The following METTL15 variants were observed in gnomAD, a reference collection of about 807,000 sequenced individuals.
The protein encoded by METTL15 is methyltransferase 15, mitochondrial 12S rRNA N4-cytidine.
In METTL15, 34 loss-of-function variants were observed where a neutral mutation model predicts 38.3. The observed-to-expected ratio is 0.89, with a 90% CI of 0.68 to 1.18. The LOEUF is 1.18. METTL15 is among the 50% of genes most tolerant of loss of function. METTL15 has a pLI of 0.00. For missense variants in METTL15, 438 were observed against 498.4 expected (o/e 0.88, Z 1.15); for synonymous variants, 162 against 170.9 (o/e 0.95, Z 0.41).
At chr11:28,251,979 A>G (rs909696261) in intron 4 of METTL15, among the ~76,000 whole-genome samples, 42 of 152,216 alleles carry the variant, frequency 2.8e-4, no homozygotes, top group African/African-American at 9.6e-4. Flanking sequence ...TCCATAATGT[A>G]TATGTTCAAC....
chr11:28,226,586 A>C (rs1450437995), intron 4 of METTL15, among the ~76,000 whole-genome samples: 1 of 151,858 alleles, frequency 6.6e-6, no homozygotes, highest in South Asian at 2.1e-4. Context: ...TTTTTGGCCA[A>C]ATTTACACAG....
chr11:28,257,498 G>C (rs1377740303), intron 4 of METTL15, among the ~76,000 whole-genome samples: 2 of 152,114 alleles, frequency 1.3e-5, no homozygotes, highest in Non-Finnish European at 2.9e-5. Context: ...TGTCTCTCTA[G>C]ACCTTCTCTT....
At chr11:28,128,399 TTGTA>T (rs900479721) in intron 3 of METTL15, among the ~76,000 whole-genome samples, 3 of 152,122 alleles carry the variant, frequency 2.0e-5, no homozygotes, top group African/African-American at 7.2e-5. Flanking sequence ...TGAAAATAGT[TTGTA>T]TGAGAAAGAC....
Position 28,358,631 on chromosome 11 carries a change from T to C in METTL15, c.*259-3306T>C, listed in dbSNP as rs571130584. ...CCCTTAATACCATTATGTAGTTTCA[T>C]TGTAGTACTTTTCAGTCTCTTATAA... On this transcript the variant is annotated intron_variant and NMD_transcript_variant, in intron 4 of 7. Coordinates refer to the METTL15 transcript ENST00000532947. 3.3e-5 allele frequency among the ~76,000 whole-genome samples: 5 copies of C among 152,272 alleles called. No homozygotes were observed. In the South Asian group the frequency reaches 6.2e-4, roughly 19 times the overall value.
chr11:28,419,685 A>G (rs569561564), intron 5 of METTL15, among the ~76,000 whole-genome samples: 3 of 152,338 alleles, frequency 2.0e-5, no homozygotes, highest in Admixed American at 2.0e-4. Context: ...GTGAGAGGCC[A>G]ATCCTGGACA....
At chr11:28,246,682 G>C (rs1273730206) in intron 4 of METTL15, among the ~76,000 whole-genome samples, 1 of 152,014 alleles carries the variant, frequency 6.6e-6, no homozygotes, top group South Asian at 2.1e-4. Context: ...AACTGTCCTG[G>C]GGCTTTTATG....
intron 5 of METTL15, among the ~76,000 whole-genome samples, chr11:28,369,432 T>C (rs1850221452): frequency 6.6e-6 from 1 of 151,864 alleles, no homozygotes; most frequent in African/African-American, 2.4e-5. Flanking sequence ...TATATATACA[T>C]CCAAATTCAA....
chr11:28,503,239 T>C (rs114756156), intron 6 of METTL15, among the ~76,000 whole-genome samples: 214 of 152,374 alleles, frequency 1.4e-3, no homozygotes, highest in African/African-American at 5.1e-3. Context: ...AGTAGTCATA[T>C]GTCTAAGCCT....
chr11:28,200,538 G>T (rs1852072732), intron 3 of METTL15, among the ~76,000 whole-genome samples: 1 of 152,178 alleles, frequency 6.6e-6, no homozygotes, highest in Non-Finnish European at 1.5e-5. Context: ...CTTTACGCTA[G>T]TGGAAGCCTT....
chr11:28,456,558 C>T (rs1475401309), intron 6 of METTL15, among the ~76,000 whole-genome samples: 1 of 150,870 alleles, frequency 6.6e-6, no homozygotes, highest in Non-Finnish European at 1.5e-5. Context: ...TTTCCTGCCT[C>T]AGTCCCCGAG....
At chr11:28,251,678 C>A (rs894868881) in intron 4 of METTL15, among the ~76,000 whole-genome samples, 1 of 151,990 alleles carries the variant, frequency 6.6e-6, no homozygotes. Context: ...CCATAACTCT[C>A]TGAATTTTTC....
At chr11:28,143,098 AT>A (rs943070458) in intron 3 of METTL15, among the ~76,000 whole-genome samples, 4 of 149,142 alleles carry the variant, frequency 2.7e-5, no homozygotes, top group South Asian at 4.2e-4. Flanking sequence ...CAAGGACCCT[AT>A]TTTTTTTTTC....
intron 6 of METTL15, among the ~76,000 whole-genome samples, chr11:28,305,961 C>T (rs1221105785): frequency 2.6e-5 from 4 of 152,010 alleles, no homozygotes; most frequent in Non-Finnish European, 4.4e-5. Context: ...GGTGGGATTT[C>T]AGGGGGCTGA....
chr11:28,216,926 G>A (rs1006032842), intron 4 of METTL15, among the ~76,000 whole-genome samples: 50 of 151,938 alleles, frequency 3.3e-4, no homozygotes, highest in African/African-American at 1.2e-3. Context: ...ATTCCATGGT[G>A]TATATGTGCC....
At chr11:28,182,354 G>A (rs1412319127) in intron 3 of METTL15, among the ~76,000 whole-genome samples, 2 of 152,018 alleles carry the variant, frequency 1.3e-5, no homozygotes, top group Admixed American at 6.6e-5. Context: ...GAATGGTATT[G>A]CCCAGGTTTT....
At chr11:28,141,134 T>C (rs1173871589) in intron 3 of METTL15, among the ~76,000 whole-genome samples, 2 of 152,098 alleles carry the variant, frequency 1.3e-5, no homozygotes, top group Admixed American at 6.6e-5. Flanking sequence ...TCTAAGAGTT[T>C]GGAGGCTAGG....
At chr11:28,455,873 A>AT (rs1851164027) in intron 6 of METTL15, among the ~76,000 whole-genome samples, 1 of 151,682 alleles carries the variant, frequency 6.6e-6, no homozygotes, top group Admixed American at 6.6e-5. Flanking sequence ...CACCCAGCTA[A>AT]TTTTTTGTAT....
chr11:28,344,923 T>C (rs1298989010), intron 3 of METTL15, among the ~76,000 whole-genome samples: 1 of 152,204 alleles, frequency 6.6e-6, no homozygotes, highest in Non-Finnish European at 1.5e-5. Context: ...GTATAGTCTG[T>C]TTGATATATT....
chr11:28,257,619 C>G (rs117667719), intron 4 of METTL15, among the ~76,000 whole-genome samples: 16 of 152,024 alleles, frequency 1.1e-4, no homozygotes, highest in Non-Finnish European at 2.4e-4. Context: ...TATCAAATAG[C>G]CTGTCTTCAA....
Sources: allele counts gnomAD v4.1 joint callset (sites outside exome capture counted in the v4.1 genomes callset), GRCh38; gene constraint gnomAD v4.1.1; transcripts MANE v1.5; gene names NCBI Gene and HGNC (gene_info 2026-07-23, HGNC 2026-07-21).